Variants in DOCK2 observed in about 807,000 individuals in gnomAD.
DOCK2 encodes dedicator of cytokinesis protein 2.
DOCK2 carries 87 observed loss-of-function variants against 248.9 expected under a neutral mutation model. The ratio of observed to expected loss-of-function variants is 0.35; its 90% CI spans 0.29 to 0.42. The LOEUF (loss-of-function observed/expected upper bound fraction) is 0.42. DOCK2 is among the 10% of genes least tolerant of loss of function. The probability of loss-of-function intolerance (pLI) is 1.00; values close to 1 mark genes in which losing one functional copy is unlikely to be tolerated. For missense variants in DOCK2, 1,747 were observed against 2,300.2 expected (o/e 0.76, Z 4.92); for synonymous variants, 805 against 821.6 (o/e 0.98, Z 0.35).
intron 27 of DOCK2, chr5:169,884,754 G>A (rs1436758864): frequency 6.6e-6 from 1 of 152,388 alleles, no homozygotes; most frequent in Non-Finnish European, 1.5e-5. Context: ...ATGTTTGCTT[G>A]GCCTCAGGGG....
chr5:169,764,039 C>T lies in DOCK2; in HGVS notation c.2554+2414C>T, dbSNP rs140405490. Among the ~76,000 whole-genome samples, 1 of 152,132 alleles carries T rather than the reference C, an allele frequency of 6.6e-6. No individual in the cohort carries two copies. Among genetic ancestry groups the T allele is most frequent in the Non-Finnish European group, 1.5e-5 (1 of 68,018 alleles). On this transcript the variant is annotated intron_variant, in intron 25 of 51. Transcript: ENST00000520908. The surrounding 1 kb of genome is among the most constrained non-coding windows in gnomAD (Gnocchi z 4.3). Reference sequence around the variant, plus strand: ...GAATTCATTATGCTTACTAGGTGTCCATCGACCTCGGGTGAGCATCTCTCT... The same window carrying T: ...GAATTCATTATGCTTACTAGGTGTCTATCGACCTCGGGTGAGCATCTCTCT...
chr5:169,952,801 G>C (rs1776714116), intron 27 of DOCK2, among the ~76,000 whole-genome samples: 1 of 152,130 alleles, frequency 6.6e-6, no homozygotes, highest in African/African-American at 2.4e-5. Flanking sequence ...TTGCCACATG[G>C]AGAGTGAAGC....
At chr5:169,723,748 G>A (rs763672174) in intron 22 of DOCK2, among the ~76,000 whole-genome samples, 2 of 151,902 alleles carry the variant, frequency 1.3e-5, no homozygotes, top group Admixed American at 6.6e-5. Flanking sequence ...CCCCTGTCCC[G>A]AGCACTGCTG....
chr5:169,748,975 C>A (rs1273766011), intron 23 of DOCK2, among the ~76,000 whole-genome samples: 2 of 152,228 alleles, frequency 1.3e-5, no homozygotes, highest in East Asian at 3.8e-4. Context: ...TACATGCCCA[C>A]ATCTCTCTGG....
intron 14 of DOCK2, among the ~76,000 whole-genome samples, chr5:169,706,821 A>G (rs17736846): frequency 9.6e-4 from 146 of 152,176 alleles, no homozygotes; most frequent in Admixed American, 1.4e-3. Context: ...TTCCTTTTCC[A>G]TACCTCGGAA....
intron 22 of DOCK2, among the ~76,000 whole-genome samples, chr5:169,728,260 G>A (rs557334578): frequency 4.6e-5 from 7 of 152,264 alleles, no homozygotes; most frequent in Admixed American, 3.3e-4. Context: ...TGGCAGAACC[G>A]GATGAAAATG....
chr5:169,985,456 AAG>A (rs1235502515), intron 28 of DOCK2, among the ~76,000 whole-genome samples: 2 of 151,890 alleles, frequency 1.3e-5, no homozygotes, highest in Non-Finnish European at 2.9e-5. Context: ...TCATTTTAAT[AAG>A]AGTTTATTTG....
chr5:169,731,788 A>T (rs149626281), intron 22 of DOCK2, among the ~76,000 whole-genome samples: 1 of 152,126 alleles, frequency 6.6e-6, no homozygotes, highest in African/African-American at 2.4e-5. Flanking sequence ...GCAAACTTGC[A>T]TGTCTTGAGT....
intron 25 of DOCK2, among the ~76,000 whole-genome samples, chr5:169,780,177 C>T (rs913961334): frequency 1.3e-5 from 2 of 152,140 alleles, no homozygotes; most frequent in Non-Finnish European, 2.9e-5. Context: ...CAGCGTGAGC[C>T]CAGTTTGCCC....
chr5:170,075,838 T>A, intron 46 of DOCK2, 109 bp from the exon 47 acceptor site: 2 of 1,450,308 alleles, frequency 1.4e-6, no homozygotes, highest in Non-Finnish European at 1.9e-6. Flanking sequence ...CTGAAGCCCT[T>A]GATGAATTCT....
intron 27 of DOCK2, among the ~76,000 whole-genome samples, chr5:169,923,078 C>T (rs1236767641): frequency 1.3e-5 from 2 of 152,176 alleles, no homozygotes; most frequent in Non-Finnish European, 2.9e-5. Flanking sequence ...GGACACAGAG[C>T]CACCACCTCA....
chr5:169,696,723 A>G (rs1760653520), intron 10 of DOCK2, among the ~76,000 whole-genome samples: 1 of 152,070 alleles, frequency 6.6e-6, no homozygotes, highest in Admixed American at 6.5e-5. Context: ...TCTCACTTCA[A>G]GATGCTCTGA....
At chr5:169,865,956 A>G (rs1025782824) in intron 27 of DOCK2, among the ~76,000 whole-genome samples, 1 of 152,250 alleles carries the variant, frequency 6.6e-6, no homozygotes. Flanking sequence ...GTTGCCATGC[A>G]TGACGAATGG....
intron 26 of DOCK2, among the ~76,000 whole-genome samples, chr5:169,817,671 C>T (rs569687902): frequency 6.6e-6 from 1 of 152,170 alleles, no homozygotes; most frequent in Admixed American, 6.5e-5. Flanking sequence ...GACATGTGTC[C>T]ACCCCTGTCT....
chr5:169,681,414 G>A (rs891786354), intron 6 of DOCK2, among the ~76,000 whole-genome samples: 5 of 150,434 alleles, frequency 3.3e-5, no homozygotes, highest in Admixed American at 6.6e-5. Context: ...GTGAGTCACC[G>A]TACCCAGCTA....
chr5:169,997,115 GGGTCA>G (rs1754665932), intron 30 of DOCK2, among the ~76,000 whole-genome samples: 1 of 151,388 alleles, frequency 6.6e-6, no homozygotes, highest in South Asian at 2.1e-4. Context: ...TGTGGGGAGA[GGGTCA>G]GCAGACCAAC....
chr5:169,851,724 C>A (rs1440474389), intron 27 of DOCK2, among the ~76,000 whole-genome samples: 1 of 152,124 alleles, frequency 6.6e-6, no homozygotes, highest in African/African-American at 2.4e-5. Flanking sequence ...AACTTACAAT[C>A]ATGGTGGAAG....
chr5:169,708,414 G>A (rs1761393399), intron 15 of DOCK2, 147 bp downstream of exon 15: 1 of 855,418 alleles, frequency 1.2e-6, no homozygotes, highest in African/African-American at 1.7e-5. Flanking sequence ...TATAGTTGAG[G>A]AAACTGGCAC....
chr5:169,849,102 C>T (rs926826394), intron 27 of DOCK2, among the ~76,000 whole-genome samples: 13 of 152,200 alleles, frequency 8.5e-5, no homozygotes, highest in Admixed American at 3.3e-4. Flanking sequence ...GTGTGGTTCT[C>T]AGCCAGGAGT....
Sources: allele counts gnomAD v4.1 joint callset (sites outside exome capture counted in the v4.1 genomes callset), GRCh38; gene constraint gnomAD v4.1.1; non-coding constraint Gnocchi (gnomAD v3.1); transcripts MANE v1.5; gene names NCBI Gene and HGNC (gene_info 2026-07-23, HGNC 2026-07-21).